Variants in FSIP2 observed in about 807,000 individuals in gnomAD.
The protein encoded by FSIP2 is fibrous sheath-interacting protein 2.
Under a neutral mutation model 510.5 loss-of-function variants are expected in FSIP2, and 367 were observed. The ratio of observed to expected loss-of-function variants is 0.72; its 90% confidence interval spans 0.66 to 0.78. The LOEUF is 0.78. Among genes scored for constraint, FSIP2 ranks in the 30% least tolerant of loss-of-function variants. FSIP2 has a pLI of 0.00. For missense variants in FSIP2, 7,594 were observed against 7,901.7 expected (o/e 0.96, Z 1.48); for synonymous variants, 2,601 against 2,732.2 (o/e 0.95, Z 1.50).
At chr2:185,757,333 C>A (rs879444537) in intron 9 of FSIP2, among the ~76,000 whole-genome samples, 1 of 151,284 alleles carries the variant, frequency 6.6e-6, no homozygotes, top group African/African-American at 2.4e-5. Flanking sequence ...TTTATCGTGA[C>A]AATTGTCTGG....
intron 15 of FSIP2, among the ~76,000 whole-genome samples, chr2:185,787,441 C>G (rs940041182): frequency 6.6e-6 from 1 of 151,662 alleles, no homozygotes; most frequent in Non-Finnish European, 1.5e-5. Context: ...TGGATAATTT[C>G]AGACTAATTT....
At position 185,793,745 on chromosome 2, in the gene FSIP2, G is replaced by A. The variant is rs757417967; in HGVS notation, c.6609G>A (p.Lys2203=). ...FPKIDCQQPL[K]GSKTERKTER... ...AAATAGACTGTCAACAGCCTCTTAA[G>A]GGGTCAAAAACTGAAAGAAAAACAG... The change falls in exon 16 of 23, where the codon AAG becomes AAA. Residue 2203 remains lysine, a synonymous_variant. Transcript: ENST00000424728. 3.9e-6 allele frequency: 6 copies of A among 1,533,822 alleles called. No homozygotes were observed. Among genetic ancestry groups the A allele is most frequent in the Non-Finnish European group, 5.2e-6 (6 of 1,145,628 alleles).
chr2:185,747,934 A>T (rs1030410126), intron 7 of FSIP2, among the ~76,000 whole-genome samples: 1 of 152,116 alleles, frequency 6.6e-6, no homozygotes, highest in African/African-American at 2.4e-5. Flanking sequence ...ATTAATAATT[A>T]AAAACAAGCA....
In FSIP2 at chr2:185,739,343, C is replaced by T; in HGVS notation, c.100-3C>T. On this transcript the variant is annotated splice_region_variant and splice_polypyrimidine_tract_variant and intron_variant, in intron 1 of 22. Transcript: ENST00000424728. Reference sequence around the variant, plus strand: ...GACAAAACTCTCCAATTGTGTCTGACAGGGCGTGCACAAAACCCACTTTGC... The same window carrying T: ...GACAAAACTCTCCAATTGTGTCTGATAGGGCGTGCACAAAACCCACTTTGC... The T allele has an allele frequency of 1.3e-6, 2 of 1,525,276 alleles. No individual in the cohort carries two copies. Among genetic ancestry groups the T allele is most frequent in the East Asian group, 2.5e-5 (1 of 40,554 alleles). The allele number at this position is 1,525,276 out of a possible 1,614,324, so 94.5% of individuals were successfully genotyped here.
chr2:185,832,062 GCTCT>G (rs1451296666), intron 22 of FSIP2, among the ~76,000 whole-genome samples, 180 bp downstream of exon 22: 1 of 151,740 alleles, frequency 6.6e-6, no homozygotes, highest in Non-Finnish European at 1.5e-5. Flanking sequence ...TAATTATGTA[GCTCT>G]CTATCTTTAC....
chr2:185,776,212 G>T (rs551694848), intron 13 of FSIP2, among the ~76,000 whole-genome samples: 3 of 152,238 alleles, frequency 2.0e-5, no homozygotes, highest in African/African-American at 7.2e-5. Flanking sequence ...AAAGGTTGCA[G>T]TGAGCCAAGA....
In FSIP2 at chr2:185,788,972, G is replaced by A. The variant is rs1283485880; in HGVS notation, c.1836G>A (p.Gly612=). 1.3e-6 allele frequency: 2 copies of A among 1,534,602 alleles called. No homozygotes were observed. Among genetic ancestry groups the A allele is most frequent in the South Asian group, 2.4e-5 (2 of 84,034 alleles). Residue 612 remains glycine, a synonymous_variant, in exon 16 of 23, where the codon GGG becomes GGA. Coordinates refer to ENST00000424728, the MANE Select transcript of FSIP2 (RefSeq NM_173651.4). ...PPAHVEKTVV[G]KTCHIKGQSI... The stretch of plus-strand genomic sequence containing the variant: ...CACATGTGGAAAAAACAGTTGTGGG[G>A]AAAACATGTCACATAAAAGGACAAT...
chr2:185,781,808 G>A (rs1692854707), intron 13 of FSIP2, among the ~76,000 whole-genome samples: 2 of 151,052 alleles, frequency 1.3e-5, no homozygotes, highest in South Asian at 4.2e-4. Flanking sequence ...TAAAAATAGT[G>A]TTGTCTTCAC....
chr2:185,808,734 T>C lies in FSIP2; in HGVS notation c.19428T>C (p.Asn6476=), dbSNP rs771929812. The C allele has an allele frequency of 3.1e-6, 5 of 1,612,610 alleles. No homozygotes were observed. Among genetic ancestry groups the C allele is most frequent in the East Asian group, 2.2e-5 (1 of 44,762 alleles). ...PLDTINSTIS[N]ADLSGELDVN... Reference sequence around the variant, plus strand: ...ATACAATTAACTCAACAATTTCAAATGCTGATCTCTCTGGAGAGCTAGACG... The same window carrying C: ...ATACAATTAACTCAACAATTTCAAACGCTGATCTCTCTGGAGAGCTAGACG... Residue 6476 remains asparagine, a synonymous_variant, in exon 17 of 23, where the codon AAT becomes AAC. Transcript: ENST00000424728.
intron 6 of FSIP2, among the ~76,000 whole-genome samples, chr2:185,747,092 A>T (rs1045094811): frequency 1.8e-4 from 27 of 152,198 alleles, no homozygotes; most frequent in African/African-American, 5.5e-4. Flanking sequence ...TGGAGACAAA[A>T]TTTTTTTGAA....
Position 185,793,097 on chromosome 2 carries a change from A to G in FSIP2, c.5961A>G (p.Gly1987=), listed in dbSNP as rs1247661345. The change falls in exon 16 of 23, where the codon GGA becomes GGG. Residue 1987 remains glycine (G), a synonymous_variant. Coordinates refer to ENST00000424728, the MANE Select transcript of FSIP2 (RefSeq NM_173651.4). ...GCTCAGTAGATCATACCAAGTCAGG[A>G]AAGACCAACTTGTGCCAACTGTCTT... is the stretch of plus-strand genomic sequence containing the variant. The part of the protein sequence containing the change: ...SCCSVDHTKS[G]KTNLCQLSLS... 1 of 1,534,438 alleles carries G rather than the reference A, an allele frequency of 6.5e-7. No individual in the cohort carries two copies. The highest frequency in any genetic ancestry group is 8.7e-7 in the Non-Finnish European group (1 of 1,145,738).
chr2:185,776,040 C>T (rs1483898209), intron 13 of FSIP2, among the ~76,000 whole-genome samples: 3 of 152,084 alleles, frequency 2.0e-5, no homozygotes, highest in African/African-American at 7.2e-5. Flanking sequence ...GAGGCCGAGA[C>T]GGGTGCATCG....
In FSIP2 at chr2:185,763,072, C is replaced by T. The variant is rs1043846080; in HGVS notation, c.1241-111C>T. 10 of 600,366 alleles carry T rather than the reference C, an allele frequency of 1.7e-5. No individual in the cohort carries two copies. The East Asian group carries it at 2.8e-4, about 17-fold the overall frequency. 37.2% of individuals were successfully genotyped at this position (600,366 alleles called of 1,614,324 possible). ...AATCCCTGATTGTGGCAATTCTAGT[C>T]ACTGTGGCAGCTGAGCAGGGAGAAT... On this transcript the variant is annotated intron_variant, in intron 11 of 22. Transcript: ENST00000424728.
At chr2:185,773,854 C>T (rs529990382) in intron 13 of FSIP2, among the ~76,000 whole-genome samples, 1 of 152,188 alleles carries the variant, frequency 6.6e-6, no homozygotes, top group Non-Finnish European at 1.5e-5. Context: ...TACTGCTATG[C>T]TATTGTTGAG....
rs1454869597 is a variant in FSIP2, at chr2:185,793,768, C to T, written c.6632C>T (p.Thr2211Ile). The T allele has an allele frequency of 6.5e-7, 1 of 1,533,058 alleles. No individual in the cohort carries two copies. Among genetic ancestry groups the T allele is most frequent in the East Asian group, 2.4e-5 (1 of 40,820 alleles). The allele number at this position is 1,533,058 out of a possible 1,614,324, so 95.0% of individuals were successfully genotyped here. The change falls in exon 16 of 23, where the codon ACA becomes ATA. Residue 2211 changes from threonine to isoleucine, a missense_variant. Transcript: ENST00000424728. ...AAGGGGTCAAAAACTGAAAGAAAAA[C>T]AGAGCGTTTTTCATATTCAAGAAAT... ...PLKGSKTERK[T>I]ERFSYSRNQK...
At chr2:185,817,280 T>A (rs1285290869) in intron 19 of FSIP2, among the ~76,000 whole-genome samples, 1 of 152,020 alleles carries the variant, frequency 6.6e-6, no homozygotes, top group Non-Finnish European at 1.5e-5. Context: ...GTGTTATAGT[T>A]TGGTTCTAAG....
rs1693122200 is a variant in FSIP2 at position 185,791,411 on chromosome 2, A to G, written c.4275A>G (p.Lys1425=). The change falls in exon 16 of 23, where the codon AAA becomes AAG. Residue 1425 remains lysine, a synonymous_variant. Transcript: ENST00000424728. The part of the protein sequence containing the change: ...HHSVNGGNHI[K]ENAKLQVLER... ...GTGTCAATGGTGGAAACCATATTAA[A>G]GAGAATGCAAAATTGCAAGTGTTAG... 1 of 1,534,178 alleles carries G rather than the reference A, an allele frequency of 6.5e-7. No homozygotes were observed. Among genetic ancestry groups the G allele is most frequent in the Admixed American group, 2.0e-5 (1 of 50,836 alleles).
rs1271570358 is a variant in FSIP2, at chr2:185,803,024, T to C, written c.13718T>C (p.Ile4573Thr). ...QNITSSNDIL[I>T]DRIAGFIIKH... ...ATCACAAGCAGTAATGACATTCTTA[T>C]AGATAGAATAGCAGGTTTCATCATT... is the stretch of plus-strand genomic sequence containing the variant. The change falls in exon 17 of 23, where the codon ATA becomes ACA. Residue 4573 changes from isoleucine to threonine, a missense_variant. Ile to Thr is a moderately conservative substitution (Grantham distance 89, BLOSUM62 -1). Coordinates refer to ENST00000424728, the MANE Select transcript of FSIP2 (RefSeq NM_173651.4). 3 of 1,526,292 alleles carry C rather than the reference T, an allele frequency of 2.0e-6. No individual in the cohort carries two copies. The highest frequency in any genetic ancestry group is 2.6e-6 in the Non-Finnish European group (3 of 1,142,534). 94.5% of individuals were successfully genotyped at this position (1,526,292 alleles called of 1,614,324 possible). A position where few individuals can be genotyped will look rare whatever the true frequency, so the allele number is the denominator to read the frequency against.
At chr2:185,756,375 T>C (rs1692247177) in intron 9 of FSIP2, 97 bp downstream of exon 9, 4 of 423,146 alleles carry the variant, frequency 9.5e-6, no homozygotes, top group African/African-American at 2.0e-5. Context: ...TGCAGACAAA[T>C]CCTGTTTTCT....
Sources: allele counts gnomAD v4.1 joint callset (sites outside exome capture counted in the v4.1 genomes callset), GRCh38; gene constraint gnomAD v4.1.1; transcripts MANE v1.5; gene names NCBI Gene and HGNC (gene_info 2026-07-23, HGNC 2026-07-21).